Variants in SCNN1B observed in about 807,000 individuals in gnomAD.
SCNN1B encodes the protein sodium channel epithelial 1 subunit beta.
Under a neutral mutation model 65.3 loss-of-function variants are expected in SCNN1B, and 46 were observed. That is an observed-to-expected ratio of 0.70 (90% confidence interval 0.56 to 0.90). The LOEUF is 0.90. Ranked by LOEUF, SCNN1B falls within the 40% of genes least tolerant of loss-of-function variation. SCNN1B has a pLI of 0.00. For missense variants in SCNN1B, 751 were observed against 830.5 expected (o/e 0.90, Z 1.18); for synonymous variants, 349 against 330.6 (o/e 1.06, Z -0.60).
At chr16:23,337,368 TTCTTTC>T (rs1221285158) in intron 1 of SCNN1B, among the ~76,000 whole-genome samples, 11 of 124,946 alleles carry the variant, frequency 8.8e-5, no homozygotes, top group African/African-American at 4.4e-4. Context: ...TTCTTTCTCT[TTCTTTC>T]TTTTTTTTTT....
chr16:23,281,308 C>T (rs1960780685), intron 1 of SCNN1B, among the ~76,000 whole-genome samples: 1 of 152,154 alleles, frequency 6.6e-6, no homozygotes, highest in Admixed American at 6.6e-5. Flanking sequence ...TGGCTGGCAC[C>T]TGTAATCCCA....
intron 1 of SCNN1B, among the ~76,000 whole-genome samples, chr16:23,280,834 T>A (rs992652749): frequency 6.6e-6 from 1 of 152,190 alleles, no homozygotes; most frequent in African/African-American, 2.4e-5. Flanking sequence ...AATAAACGGA[T>A]GAATGACTGA....
intron 1 of SCNN1B, among the ~76,000 whole-genome samples, chr16:23,308,361 C>A (rs1961265535): frequency 6.6e-6 from 1 of 152,010 alleles, no homozygotes. Flanking sequence ...CATCTCTGTA[C>A]AAAATTTAAA....
chr16:23,323,627 G>A (rs1383111703), intron 1 of SCNN1B: 1 of 702,728 alleles, frequency 1.4e-6, no homozygotes, highest in African/African-American at 1.7e-5. Flanking sequence ...CCCAACTGGG[G>A]TTTGAACCCA....
upstream of SCNN1B, among the ~76,000 whole-genome samples, chr16:23,299,677 A>C (rs890574239): frequency 6.6e-6 from 1 of 152,240 alleles, no homozygotes; most frequent in East Asian, 1.9e-4. Context: ...CAATCATTAA[A>C]AAGTCAGGAA....
In SCNN1B at chr16:23,381,196, C is replaced by G. The variant is rs552395317; in HGVS notation, c.*395C>G. 1 of 283,586 alleles carries G rather than the reference C, an allele frequency of 3.5e-6. No homozygotes were observed. The highest frequency in any genetic ancestry group is 2.2e-5 in the African/African-American group (1 of 46,002). 17.6% of individuals were successfully genotyped at this position (283,586 alleles called of 1,614,324 possible). On this transcript the variant is annotated 3_prime_UTR_variant, in exon 13 of 13. Coordinates refer to ENST00000343070, the MANE Select transcript of SCNN1B (RefSeq NM_000336.3). ...TCTCCTTCCTGGCCTTGGCTGGCCT[C>G]TGGGGCAGGGGTGGTGGAGAGATGG...
chr16:23,335,495 G>A (rs1038372013), intron 1 of SCNN1B, among the ~76,000 whole-genome samples: 7 of 141,862 alleles, frequency 4.9e-5, no homozygotes, highest in East Asian at 2.1e-4. Flanking sequence ...TCTCTCTGTC[G>A]CCCAGGCCGG....
chr16:23,290,742 C>T (rs960656194), intron 2 of SCNN1B, among the ~76,000 whole-genome samples: 2 of 152,334 alleles, frequency 1.3e-5, no homozygotes, highest in South Asian at 4.1e-4. Flanking sequence ...TAAACCCTCA[C>T]TAGCTAGAAA....
chr16:23,378,810 G>C, intron 11 of SCNN1B, 43 bp downstream of exon 11: 1 of 1,586,180 alleles, frequency 6.3e-7, no homozygotes, highest in Non-Finnish European at 8.7e-7. Flanking sequence ...CAGGGAAGGG[G>C]TCCAGAAACT....
At chr16:23,305,572 ATATATT>A (rs1159505897) in intron 1 of SCNN1B, among the ~76,000 whole-genome samples, 6 of 31,400 alleles carry the variant, frequency 1.9e-4, no homozygotes, top group Admixed American at 3.4e-4. Context: ...ATATATATAT[ATATATT>A]ATATATATAT....
chr16:23,314,922 G>A (rs1200117527), intron 1 of SCNN1B, among the ~76,000 whole-genome samples: 1 of 152,218 alleles, frequency 6.6e-6, no homozygotes, highest in Non-Finnish European at 1.5e-5. Context: ...TACTATGCCA[G>A]CCCAACTCTG....
rs182564459 is a variant in SCNN1B, at chr16:23,338,132, G to A, written c.-8-10460G>A. Among the ~76,000 whole-genome samples, 291 of 152,308 alleles carry A rather than the reference G, an allele frequency of 1.9e-3. 2 individuals are homozygous for A. Among genetic ancestry groups the A allele is most frequent in the Non-Finnish European group, 1.6e-3 (110 of 68,024 alleles). ...TAATACATTTCCTGCACCAAAGCTG[G>A]TAGCAACCATTTTTCTAAGAAGCCC... On this transcript the variant is annotated intron_variant, in intron 1 of 12. Transcript: ENST00000343070.
intron 2 of SCNN1B, 102 bp from the exon 3 acceptor site, chr16:23,352,699 A>G: frequency 8.1e-7 from 1 of 1,229,222 alleles, no homozygotes; most frequent in Non-Finnish European, 1.2e-6. Flanking sequence ...GTATCTTTAT[A>G]GCAGTGTGAA....
chr16:23,311,755 G>C (rs1464926500), intron 1 of SCNN1B, among the ~76,000 whole-genome samples: 2 of 152,188 alleles, frequency 1.3e-5, no homozygotes, highest in African/African-American at 4.8e-5. Context: ...TTAGAGATTG[G>C]TGGGGAGGGG....
chr16:23,292,766 A>T (rs2141971235), intron 2 of SCNN1B, among the ~76,000 whole-genome samples: 1 of 151,310 alleles, frequency 6.6e-6, no homozygotes, highest in South Asian at 2.1e-4. Context: ...GGCCTCCCAA[A>T]GTGCTAAGAT....
chr16:23,348,924 G>T lies in SCNN1B; in HGVS notation c.311+14G>T. ...TAGCCCCTTCAAGTAGGTGGCCCCG[G>T]AGTGCACAGCTGGCCTCAGCAGACA... On this transcript the variant is annotated intron_variant, in intron 2 of 12. Coordinates refer to ENST00000343070, the MANE Select transcript of SCNN1B (RefSeq NM_000336.3). The surrounding 1 kb of genome is among the most constrained non-coding windows in gnomAD (Gnocchi z 4.5). 6.2e-7 allele frequency: 1 copy of T among 1,612,022 alleles called. No individual in the cohort carries two copies. Among genetic ancestry groups the T allele is most frequent in the Non-Finnish European group, 8.5e-7 (1 of 1,178,142 alleles).
intron 2 of SCNN1B, among the ~76,000 whole-genome samples, chr16:23,287,790 AT>A (rs1188484119): frequency 1.3e-4 from 19 of 149,576 alleles, no homozygotes; most frequent in African/African-American, 4.7e-4. Context: ...ACATGATGGT[AT>A]TGTAACTAAG....
intron 1 of SCNN1B, among the ~76,000 whole-genome samples, chr16:23,343,581 G>GAGAAAGAAAGAAAGAAAGAA (rs200738425): frequency 1.4e-3 from 102 of 70,384 alleles, no homozygotes; most frequent in East Asian, 2.3e-3. Context: ...GAAAGAAAAA[G>GAGAAAGAAAGAAAGAAAGAA]AGAAAGAAAG....
chr16:23,324,898 C>A (rs1044165620), intron 1 of SCNN1B, among the ~76,000 whole-genome samples: 1 of 152,254 alleles, frequency 6.6e-6, no homozygotes, highest in Non-Finnish European at 1.5e-5. Context: ...TTGGCACCCC[C>A]CCAAGTCCTC....
Sources: allele counts gnomAD v4.1 joint callset (sites outside exome capture counted in the v4.1 genomes callset), GRCh38; gene constraint gnomAD v4.1.1; non-coding constraint Gnocchi (gnomAD v3.1); transcripts MANE v1.5; gene names NCBI Gene and HGNC (gene_info 2026-07-23, HGNC 2026-07-21).